RAPGEF2: variants seen among roughly 807,000 people sequenced by gnomAD.
RAPGEF2 encodes the protein Rap guanine nucleotide exchange factor 2.
RAPGEF2 carries 54 observed loss-of-function variants against 186.7 expected under a neutral mutation model. The ratio of observed to expected loss-of-function variants is 0.29; its 90% CI spans 0.23 to 0.36. The LOEUF (loss-of-function observed/expected upper bound fraction) is 0.36. RAPGEF2 is among the 10% of genes least tolerant of loss of function. The pLI is 1.00. For missense variants in RAPGEF2, 1,532 were observed against 2,045.0 expected (o/e 0.75, Z 4.84); for synonymous variants, 712 against 705.9 (o/e 1.01, Z -0.14).
intron 7 of RAPGEF2, among the ~76,000 whole-genome samples, chr4:159,295,384 G>T (rs1342454109): frequency 6.6e-6 from 1 of 152,148 alleles, no homozygotes; most frequent in African/African-American, 2.4e-5. Context: ...CAGAGTGCAT[G>T]CCTGTGTGTA....
intron 11 of RAPGEF2, chr4:159,329,598 G>A (rs1766391302): frequency 4.6e-6 from 1 of 219,136 alleles, no homozygotes; most frequent in Non-Finnish European, 8.9e-6. Flanking sequence ...TTCTAATTAT[G>A]TCTTTTGATT....
rs912552837 is a variant in RAPGEF2 at position 159,358,855 on chromosome 4, C to T, written c.*716C>T. On this transcript the variant is annotated 3_prime_UTR_variant, in exon 30 of 30. Coordinates refer to ENST00000691494, the MANE Select transcript of RAPGEF2 (RefSeq NM_001394067.2). ...GACCTGGCTTGTGACCCTGGCTTCC[C>T]ATGTCCTTCTGGTCTCACCCGCGAA... is the stretch of plus-strand genomic sequence containing the variant. 6.6e-6 allele frequency: 1 copy of T among 152,238 alleles called. No individual in the cohort carries two copies. Among genetic ancestry groups the T allele is most frequent in the Non-Finnish European group, 1.5e-5 (1 of 68,054 alleles). 9.4% of individuals were successfully genotyped at this position (152,238 alleles called of 1,614,324 possible). A position where few individuals can be genotyped will look rare whatever the true frequency, so the allele number is the denominator to read the frequency against.
At chr4:159,303,965 T>C (rs1762979123) in intron 7 of RAPGEF2, among the ~76,000 whole-genome samples, 1 of 152,184 alleles carries the variant, frequency 6.6e-6, no homozygotes, top group Non-Finnish European at 1.5e-5. Context: ...TGTTTTCTTG[T>C]TTAAACTGCT....
Position 159,335,296 on chromosome 4 carries a change from CAAG to C in RAPGEF2, c.2135+2603_2135+2605del, listed in dbSNP as rs548078208. Among the ~76,000 whole-genome samples, 774 of 152,230 alleles carry C rather than the reference CAAG, an allele frequency of 5.1e-3. 30 individuals carry two copies. Among genetic ancestry groups the C allele is most frequent in the South Asian group, 0.047 (225 of 4,826 alleles). On this transcript the variant is annotated intron_variant, in intron 17 of 29. Coordinates refer to ENST00000691494, the MANE Select transcript of RAPGEF2 (RefSeq NM_001394067.2). Reference sequence around the variant, plus strand: ...AGAAAAAGACTAATGAACCCAGAGACAAGAAGGAGTAAGTCAGCACACTATAAA... The same window carrying C: ...AGAAAAAGACTAATGAACCCAGAGACAAGGAGTAAGTCAGCACACTATAAA...
intron 3 of RAPGEF2, among the ~76,000 whole-genome samples, chr4:159,196,233 C>G (rs190706341): frequency 3.3e-4 from 50 of 152,172 alleles, no homozygotes; most frequent in African/African-American, 1.1e-3. Flanking sequence ...TCTGCTCTTA[C>G]CAATTTGTGT....
rs1439783534 is a variant in RAPGEF2 at position 159,104,245 on chromosome 4, G to C, written c.69+14G>C. 1 of 1,382,716 alleles carries C rather than the reference G, an allele frequency of 7.2e-7. No individual in the cohort carries two copies. Among genetic ancestry groups the C allele is most frequent in the South Asian group, 1.4e-5 (1 of 70,810 alleles). 85.7% of individuals were successfully genotyped at this position (1,382,716 alleles called of 1,614,324 possible). A position where few individuals can be genotyped will look rare whatever the true frequency, so the allele number is the denominator to read the frequency against. ...AGGACCCCCCAGGTGAGAACGCGGC[G>C]GCCGCCTGCCCTTGGCCGGATTTCT... On this transcript the variant is annotated intron_variant, in intron 1 of 29. Coordinates refer to ENST00000691494, the MANE Select transcript of RAPGEF2 (RefSeq NM_001394067.2).
At chr4:159,259,449 C>G (rs1203214221) in intron 7 of RAPGEF2, among the ~76,000 whole-genome samples, 4 of 152,104 alleles carry the variant, frequency 2.6e-5, no homozygotes, top group Non-Finnish European at 5.9e-5. Flanking sequence ...CTTTTCTGAC[C>G]ATGTATTTCT....
intron 26 of RAPGEF2, 59 bp from the exon 27 acceptor site, chr4:159,352,626 T>A: frequency 7.2e-7 from 1 of 1,389,826 alleles, no homozygotes; most frequent in Non-Finnish European, 1.0e-6. Context: ...TTTGGTAGAC[T>A]TCCCTTTGAT....
At chr4:159,325,438 TA>T (rs943366173) in intron 11 of RAPGEF2, among the ~76,000 whole-genome samples, 2 of 151,486 alleles carry the variant, frequency 1.3e-5, no homozygotes, top group African/African-American at 4.8e-5. Flanking sequence ...ATTGTACTCT[TA>T]AAAAAAAACT....
At chr4:159,222,916 T>TTATATA (rs141718364) in intron 4 of RAPGEF2, among the ~76,000 whole-genome samples, 28 of 148,988 alleles carry the variant, frequency 1.9e-4, no homozygotes, top group East Asian at 5.9e-4. Flanking sequence ...ATGAGTTGAA[T>TTATATA]TATATATATA....
intron 3 of RAPGEF2, among the ~76,000 whole-genome samples, chr4:159,201,380 A>G (rs1310646187): frequency 6.6e-6 from 1 of 152,242 alleles, no homozygotes; most frequent in Non-Finnish European, 1.5e-5. Flanking sequence ...GTTCATAGAA[A>G]ATCCTGTTCA....
At chr4:159,210,413 T>C (rs866802753) in intron 3 of RAPGEF2, 87 bp from the exon 4 acceptor site, 3 of 763,960 alleles carry the variant, frequency 3.9e-6, no homozygotes, top group African/African-American at 1.8e-5. Flanking sequence ...AAAAGTAATA[T>C]GGGTGCTGCA....
chr4:159,298,245 A>G (rs72699398), intron 7 of RAPGEF2, among the ~76,000 whole-genome samples: 28,589 of 152,066 alleles, frequency 0.19, 2,838 homozygotes, highest in Admixed American at 0.25. Context: ...CATTATATAT[A>G]TTTATTAGCA....
intron 1 of RAPGEF2, 57 bp from the exon 2 acceptor site, chr4:159,186,585 T>C: frequency 4.4e-6 from 4 of 917,942 alleles, no homozygotes; most frequent in Non-Finnish European, 6.3e-6. Context: ...TGTGACTTAT[T>C]TTAGAAACCC....
At chr4:159,178,605 T>G (rs957156737) in intron 1 of RAPGEF2, among the ~76,000 whole-genome samples, 2 of 131,888 alleles carry the variant, frequency 1.5e-5, no homozygotes, top group Non-Finnish European at 3.1e-5. Context: ...TCACCCAGGC[T>G]TGAGTGCTGC....
rs73860452 is a variant in RAPGEF2 at position 159,154,825 on chromosome 4, T to C, written c.70-31817T>C. On this transcript the variant is annotated intron_variant, in intron 1 of 29. Coordinates refer to ENST00000691494, the MANE Select transcript of RAPGEF2 (RefSeq NM_001394067.2). ...TCCCGTGTTACTATACTGCTTCTTA[T>C]GAATTCTATATTAGGCCAAGTGGGC... Among the ~76,000 whole-genome samples the C allele has an allele frequency of 9.2e-3, 1,396 of 152,286 alleles. 21 individuals are homozygous for C. Among genetic ancestry groups the C allele is most frequent in the African/African-American group, 0.031 (1,301 of 41,556 alleles).
chr4:159,265,065 CTATTACAGAAAAA>C (rs1757280153), intron 7 of RAPGEF2, among the ~76,000 whole-genome samples: 2 of 152,140 alleles, frequency 1.3e-5, no homozygotes, highest in African/African-American at 2.4e-5. Context: ...TTAGTTATAT[CTATTACAGAAAAA>C]TATTTGGACT....
At chr4:159,219,407 G>C (rs865973001) in intron 4 of RAPGEF2, among the ~76,000 whole-genome samples, 5 of 136,224 alleles carry the variant, frequency 3.7e-5, no homozygotes, top group African/African-American at 1.2e-4. Flanking sequence ...TCAGGCTGGA[G>C]TGCAGTGGTG....
intron 23 of RAPGEF2, 21 bp from the exon 24 acceptor site, chr4:159,345,085 A>G (rs1390522771): frequency 1.6e-5 from 25 of 1,588,052 alleles, no homozygotes; most frequent in Non-Finnish European, 2.1e-5. Flanking sequence ...TGAGCTGCAT[A>G]TGTACCTTTT....
Sources: gnomAD v4.1 joint callset for allele counts (sites outside exome capture counted in the v4.1 genomes callset) on GRCh38, gnomAD v4.1.1 for gene constraint, MANE v1.5 for transcripts, NCBI Gene and HGNC (gene_info 2026-07-23, HGNC 2026-07-21) for gene names.